Variants in DNAH14 observed in about 807,000 individuals in gnomAD.
DNAH14 encodes the protein dynein axonemal heavy chain 14.
DNAH14 carries 478 observed loss-of-function variants against 520.9 expected under a neutral mutation model. That is an observed-to-expected ratio of 0.92 (90% CI 0.85 to 0.99). DNAH14 has a LOEUF of 0.99. Among genes scored for constraint, DNAH14 ranks in the 50% least tolerant of loss-of-function variants. The probability of loss-of-function intolerance (pLI) is 0.00; values close to 1 mark genes in which losing one functional copy is unlikely to be tolerated. For synonymous variants in DNAH14, 1,581 were observed against 1,757.2 expected (o/e 0.90, Z 2.51); for missense variants, 4,831 against 5,234.5 (o/e 0.92, Z 2.38).
At chr1:225,316,845 G>A (rs973491140) in intron 60 of DNAH14, among the ~76,000 whole-genome samples, 12 of 152,152 alleles carry the variant, frequency 7.9e-5, no homozygotes, top group Admixed American at 2.6e-4. Flanking sequence ...TTTTTTCTAC[G>A]TTTTCTCACC....
intron 23 of DNAH14, among the ~76,000 whole-genome samples, chr1:225,106,981 C>G (rs1005156709): frequency 3.3e-5 from 5 of 152,166 alleles, no homozygotes; most frequent in African/African-American, 1.2e-4. Flanking sequence ...ATTTTTTCTA[C>G]TCTGTTTTTT....
chr1:225,060,980 A>G (rs368188141), intron 17 of DNAH14, among the ~76,000 whole-genome samples: 1 of 146,334 alleles, frequency 6.8e-6, no homozygotes, highest in Non-Finnish European at 1.5e-5. Flanking sequence ...TTGAGGAGGC[A>G]GTCTGTCCCT....
At chr1:225,291,260 TCACTGGTGGA>T (rs1169094978) in intron 55 of DNAH14, among the ~76,000 whole-genome samples, 1 of 152,160 alleles carries the variant, frequency 6.6e-6, no homozygotes, top group Non-Finnish European at 1.5e-5. Flanking sequence ...AGTCATTCAT[TCACTGGTGGA>T]CACTTAGGTA....
chr1:224,976,673 C>T (rs998914163), intron 8 of DNAH14, among the ~76,000 whole-genome samples: 9 of 149,338 alleles, frequency 6.0e-5, no homozygotes, highest in Non-Finnish European at 1.0e-4. Context: ...AAAAAGTGGG[C>T]GAAGGACATG....
Position 225,398,516 on chromosome 1 carries a change from T to G in DNAH14, c.13492-4T>G. On this transcript the variant is annotated splice_region_variant and splice_polypyrimidine_tract_variant and intron_variant, in intron 84 of 85. Coordinates refer to ENST00000682510, the MANE Select transcript of DNAH14 (RefSeq NM_001367479.1). ...TCCCTGACACCACCTCTCTTCCATC[T>G]TAGGGCTCAGCTTCCTCTCACACTG... The G allele has an allele frequency of 1.3e-6, 2 of 1,551,648 alleles. No homozygotes were observed. The highest frequency in any genetic ancestry group is 1.7e-6 in the Non-Finnish European group (2 of 1,146,932).
intron 66 of DNAH14, among the ~76,000 whole-genome samples, chr1:225,335,895 A>C (rs200955286): frequency 8.6e-5 from 9 of 104,882 alleles, no homozygotes; most frequent in South Asian, 3.9e-4. Context: ...GTACATATAC[A>C]TACATATATG....
chr1:225,191,428 G>A (rs1156412881), intron 37 of DNAH14, among the ~76,000 whole-genome samples: 1 of 151,974 alleles, frequency 6.6e-6, no homozygotes, highest in Non-Finnish European at 1.5e-5. Flanking sequence ...GCTTTCTGAT[G>A]AGAATTGACT....
chr1:225,334,050 C>T (rs1055253908), intron 66 of DNAH14, among the ~76,000 whole-genome samples: 1 of 152,142 alleles, frequency 6.6e-6, no homozygotes. Flanking sequence ...GAAACAAATA[C>T]TGTCTTCACA....
chr1:225,290,030 G>T lies in DNAH14; in HGVS notation c.8417G>T (p.Gly2806Val). The T allele has an allele frequency of 6.5e-7, 1 of 1,527,296 alleles. No individual in the cohort carries two copies. Among genetic ancestry groups the T allele is most frequent in the African/African-American group, 1.4e-5 (1 of 72,500 alleles). 94.6% of individuals were successfully genotyped at this position (1,527,296 alleles called of 1,614,324 possible). A position where few individuals can be genotyped will look rare whatever the true frequency, so the allele number is the denominator to read the frequency against. The change falls in exon 55 of 86, where the codon GGA becomes GTA. Residue 2806 changes from glycine (G) to valine (V), a missense_variant. Coordinates refer to ENST00000682510, the MANE Select transcript of DNAH14 (RefSeq NM_001367479.1). ...TTTAAAAAGGTGTTTATTCACGCAG[G>T]ATTAAAAGGGAAACCCACTGTTCTG... ...EVFKKVFIHA[G>V]LKGKPTVLMV... is the part of the protein sequence containing the mutation.
chr1:225,085,939 C>A, intron 21 of DNAH14, 150 bp downstream of exon 21: 8 of 814,162 alleles, frequency 9.8e-6, no homozygotes, highest in South Asian at 6.5e-5. Context: ...AGTTTGAATA[C>A]CAAAAATAAC....
intron 43 of DNAH14, 108 bp from the exon 44 acceptor site, chr1:225,252,193 A>T (rs771315817): frequency 1.4e-6 from 1 of 717,750 alleles, no homozygotes; most frequent in Non-Finnish European, 2.5e-6. Flanking sequence ...GTGAATACTT[A>T]TTATTTCTTG....
At chr1:225,329,415 G>A (rs545370283) in intron 64 of DNAH14, among the ~76,000 whole-genome samples, 1 of 152,252 alleles carries the variant, frequency 6.6e-6, no homozygotes, top group African/African-American at 2.4e-5. Flanking sequence ...GGGAAGGAAG[G>A]TTGGGGTCAG....
chr1:225,312,601 T>A (rs1224187037), intron 60 of DNAH14, among the ~76,000 whole-genome samples: 2 of 152,330 alleles, frequency 1.3e-5, no homozygotes, highest in East Asian at 3.9e-4. Context: ...TAGCTCTTAT[T>A]ATTTTAAGAT....
intron 36 of DNAH14, among the ~76,000 whole-genome samples, chr1:225,173,759 G>A (rs2082982715): frequency 6.6e-6 from 1 of 152,002 alleles, no homozygotes; most frequent in South Asian, 2.1e-4. Context: ...CCCATTACTG[G>A]GTATATACCC....
At chr1:225,378,050 C>G (rs2095725608) in intron 79 of DNAH14, among the ~76,000 whole-genome samples, 1 of 152,026 alleles carries the variant, frequency 6.6e-6, no homozygotes, top group African/African-American at 2.4e-5. Context: ...TCTCAATTAT[C>G]TCTTTTAATT....
intron 66 of DNAH14, among the ~76,000 whole-genome samples, chr1:225,335,344 TGTGTATATGCATATACAC>T (rs142593095): frequency 0.14 from 14,112 of 102,182 alleles, 2,901 homozygotes; most frequent in South Asian, 0.28. Context: ...TGTACATGTG[TGTGTATATGCATATACAC>T]GTGTACATGT....
intron 32 of DNAH14, 59 bp from the exon 33 acceptor site, chr1:225,152,638 C>A: frequency 7.0e-7 from 1 of 1,419,426 alleles, no homozygotes; most frequent in Non-Finnish European, 9.4e-7. Context: ...GTATGTGATT[C>A]CTTATTTGAA....
intron 17 of DNAH14, among the ~76,000 whole-genome samples, chr1:225,053,780 T>C (rs1188570487): frequency 6.6e-6 from 1 of 152,202 alleles, no homozygotes; most frequent in Non-Finnish European, 1.5e-5. Context: ...TAGTACTTGT[T>C]AAATTGCATA....
chr1:225,331,622 G>A (rs2150283952), intron 65 of DNAH14, 45 bp downstream of exon 65: 1 of 1,549,168 alleles, frequency 6.5e-7, no homozygotes, highest in South Asian at 1.2e-5. Flanking sequence ...ATTCCTACTG[G>A]GCCCAACAAC....
Sources: allele counts gnomAD v4.1 joint callset (sites outside exome capture counted in the v4.1 genomes callset), GRCh38; gene constraint gnomAD v4.1.1; transcripts MANE v1.5; gene names NCBI Gene and HGNC (gene_info 2026-07-23, HGNC 2026-07-21).